The following CSMD1 variants were observed in gnomAD, a reference collection of about 807,000 sequenced individuals.
CSMD1 encodes CUB and sushi domain-containing protein 1.
A neutral mutation model predicts 417.5 loss-of-function variants in CSMD1; 213 were observed. That is an observed-to-expected ratio of 0.51 (90% CI 0.46 to 0.57). CSMD1 has a LOEUF of 0.57. CSMD1 is among the 20% of genes least tolerant of loss of function. The pLI is 0.00. For missense variants in CSMD1, 6,923 were observed against 4,529.7 expected (o/e 1.53, Z -15.17); for synonymous variants, 2,862 against 1,736.8 (o/e 1.65, Z -16.11).
chr8:4,981,557 C>T (rs1242683496), intron 1 of CSMD1, among the ~76,000 whole-genome samples: 1 of 152,164 alleles, frequency 6.6e-6, no homozygotes, highest in Non-Finnish European at 1.5e-5. Context: ...GGAATCTTTT[C>T]CTACATTTAT....
intron 5 of CSMD1, among the ~76,000 whole-genome samples, chr8:3,777,696 T>C (rs757442100): frequency 2.6e-5 from 4 of 152,054 alleles, no homozygotes; most frequent in African/African-American, 7.2e-5. Context: ...ACGCCAGACC[T>C]GCGGCCTCCT....
intron 59 of CSMD1, 75 bp from the exon 60 acceptor site, chr8:2,963,470 T>A (rs1803682503): frequency 6.8e-7 from 1 of 1,461,912 alleles, no homozygotes; most frequent in African/African-American, 1.4e-5. Flanking sequence ...GATTCCCATT[T>A]TAATTTTACC....
chr8:4,379,784 C>A (rs896646367), intron 3 of CSMD1, among the ~76,000 whole-genome samples: 1 of 152,138 alleles, frequency 6.6e-6, no homozygotes, highest in African/African-American at 2.4e-5. Context: ...AGGTCCAAGT[C>A]CTCCAGTCAA....
chr8:3,186,390 A>G (rs1353439954), intron 36 of CSMD1, among the ~76,000 whole-genome samples: 1 of 152,206 alleles, frequency 6.6e-6, no homozygotes, highest in Non-Finnish European at 1.5e-5. Context: ...AAAAGTTCCT[A>G]AAAGTATAAA....
intron 2 of CSMD1, among the ~76,000 whole-genome samples, chr8:4,524,817 AT>A (rs915946690): frequency 1.3e-5 from 2 of 151,980 alleles, no homozygotes; most frequent in South Asian, 4.2e-4. Flanking sequence ...AAAATTGTGC[AT>A]TTTTTTATTT....
intron 26 of CSMD1, among the ~76,000 whole-genome samples, chr8:3,250,190 A>T (rs774324256): frequency 1.3e-5 from 2 of 152,178 alleles, no homozygotes; most frequent in African/African-American, 4.8e-5. Context: ...GTATGTCTCC[A>T]AATACTATCC....
At chr8:3,847,593 G>C (rs978680018) in intron 5 of CSMD1, among the ~76,000 whole-genome samples, 1 of 152,096 alleles carries the variant, frequency 6.6e-6, no homozygotes, top group Non-Finnish European at 1.5e-5. Flanking sequence ...AGAAGACTGG[G>C]GTAAGGGGTC....
intron 2 of CSMD1, among the ~76,000 whole-genome samples, chr8:4,569,909 G>C (rs1234395525): frequency 6.6e-6 from 1 of 152,188 alleles, no homozygotes; most frequent in Non-Finnish European, 1.5e-5. Context: ...TAGCAATTGT[G>C]AGTGGGTGTT....
intron 3 of CSMD1, among the ~76,000 whole-genome samples, chr8:4,052,590 C>A (rs1292437841): frequency 6.6e-6 from 1 of 152,096 alleles, no homozygotes; most frequent in Non-Finnish European, 1.5e-5. Flanking sequence ...TCTTGCCTTT[C>A]CCTCCATATA....
intron 1 of CSMD1, among the ~76,000 whole-genome samples, chr8:4,774,020 A>T (rs1456623700): frequency 6.6e-6 from 1 of 151,954 alleles, no homozygotes; most frequent in East Asian, 1.9e-4. Context: ...ACATGGTGAA[A>T]CCCCAACTCT....
chr8:3,409,853 A>G (rs1032618950), intron 12 of CSMD1, among the ~76,000 whole-genome samples: 1 of 152,260 alleles, frequency 6.6e-6, no homozygotes, highest in Non-Finnish European at 1.5e-5. Context: ...CTACACAGAT[A>G]CGCTGACAAC....
At chr8:4,528,390 G>C (rs1796627701) in intron 2 of CSMD1, among the ~76,000 whole-genome samples, 1 of 152,178 alleles carries the variant, frequency 6.6e-6, no homozygotes, top group South Asian at 2.1e-4. Context: ...AATCATGCCA[G>C]AAGGTAAGTG....
At chr8:4,723,075 A>G (rs1380692658) in intron 1 of CSMD1, among the ~76,000 whole-genome samples, 1 of 152,160 alleles carries the variant, frequency 6.6e-6, no homozygotes, top group Non-Finnish European at 1.5e-5. Context: ...AAGTGAATAG[A>G]GGTCAGCTTT....
Position 3,778,843 on chromosome 8 carries a change from G to C in CSMD1, c.819-24801C>G, listed in dbSNP as rs539808943. Among the ~76,000 whole-genome samples the C allele has an allele frequency of 3.1e-4, 47 of 152,208 alleles. 1 individual carries two copies. The South Asian group carries it at 3.5e-3, about 11-fold the overall frequency. On this transcript the variant is annotated intron_variant, in intron 5 of 69. Coordinates refer to ENST00000635120, the MANE Select transcript of CSMD1 (RefSeq NM_033225.6). ...CTGTACAAGTTTATTATTCCTCATT[G>C]AATACTCAGTTGAGAAAACATGCTG...
At chr8:4,294,359 C>A (rs1442485349) in intron 3 of CSMD1, among the ~76,000 whole-genome samples, 1 of 152,150 alleles carries the variant, frequency 6.6e-6, no homozygotes, top group Non-Finnish European at 1.5e-5. Context: ...ATTCTAGAGA[C>A]AGTATTCCAG....
chr8:4,522,027 G>C (rs1803479909), intron 2 of CSMD1, among the ~76,000 whole-genome samples: 2 of 152,094 alleles, frequency 1.3e-5, no homozygotes, highest in Non-Finnish European at 2.9e-5. Context: ...AAAACCTCTG[G>C]AGTCATTGAT....
At chr8:3,297,758 G>A (rs1207776930) in intron 25 of CSMD1, among the ~76,000 whole-genome samples, 1 of 151,980 alleles carries the variant, frequency 6.6e-6, no homozygotes, top group Non-Finnish European at 1.5e-5. Context: ...CTAGCAATCT[G>A]GACACAAAAT....
At chr8:4,859,417 G>T (rs890089634) in intron 1 of CSMD1, among the ~76,000 whole-genome samples, 2 of 152,028 alleles carry the variant, frequency 1.3e-5, no homozygotes, top group Non-Finnish European at 1.5e-5. Context: ...TTGACAAATG[G>T]GATCTAATTA....
rs1053219877 is a variant in CSMD1 at position 4,994,480 on chromosome 8, C to G, written c.-64G>C. 14 of 1,459,374 alleles carry G rather than the reference C, an allele frequency of 9.6e-6. No homozygotes were observed. The Admixed American group carries it at 1.9e-4, about 20-fold the overall frequency. 90.4% of individuals were successfully genotyped at this position (1,459,374 alleles called of 1,614,324 possible). On this transcript the variant is annotated 5_prime_UTR_variant, in exon 1 of 70. Transcript: ENST00000635120. ...CCTCCGAGGAAGGCAGGGCTATGAG[C>G]GGAGCCAAATAATCACCCGAGGGCA...
Sources: allele counts gnomAD v4.1 joint callset (sites outside exome capture counted in the v4.1 genomes callset), GRCh38; gene constraint gnomAD v4.1.1; transcripts MANE v1.5; gene names NCBI Gene and HGNC (gene_info 2026-07-23, HGNC 2026-07-21).